ANO10: variants seen among roughly 807,000 people sequenced by gnomAD.
ANO10 encodes anoctamin 10.
In ANO10, 77 loss-of-function variants were observed where a neutral mutation model predicts 74.7. The ratio of observed to expected loss-of-function variants is 1.03; its 90% confidence interval spans 0.86 to 1.25. The LOEUF (loss-of-function observed/expected upper bound fraction) is 1.25. Ranked by LOEUF, ANO10 falls within the 50% of genes most tolerant of loss-of-function variation. ANO10 has a pLI of 0.00. For synonymous variants in ANO10, 279 were observed against 284.9 expected (o/e 0.98, Z 0.21); for missense variants, 721 against 778.1 (o/e 0.93, Z 0.87).
At chr3:43,638,725 C>T (rs1034367042) in intron 1 of ANO10, 2 of 152,252 alleles carry the variant, frequency 1.3e-5, no homozygotes, top group African/African-American at 4.8e-5. Flanking sequence ...AGTTGCACCA[C>T]AGCGCCATCA....
At chr3:43,463,320 A>G (rs772899226) in intron 11 of ANO10, among the ~76,000 whole-genome samples, 28 of 152,250 alleles carry the variant, frequency 1.8e-4, no homozygotes, top group Admixed American at 1.4e-3. Flanking sequence ...CGTTACCTGG[A>G]TGTGAGACAT....
intron 1 of ANO10, among the ~76,000 whole-genome samples, chr3:43,646,529 A>T (rs2083728210): frequency 6.6e-6 from 1 of 152,024 alleles, no homozygotes; most frequent in Non-Finnish European, 1.5e-5. Context: ...AGTAGTCTCT[A>T]CTTTTTGTTT....
rs183900968 is a variant in ANO10, at chr3:43,684,852, G to A, written c.-12+6665C>T. On this transcript the variant is annotated intron_variant, in intron 1 of 3. Transcript: ENST00000413397. ...AAGGACAAAAAACCAAACACCGCATGTTCTCACTCATAGGTGGGAATTTAA... is the reference window on the plus strand; with the variant it reads ...AAGGACAAAAAACCAAACACCGCATATTCTCACTCATAGGTGGGAATTTAA... Among the ~76,000 whole-genome samples the A allele has an allele frequency of 2.3e-3, 347 of 152,230 alleles. 2 individuals carry two copies. Among genetic ancestry groups the A allele is most frequent in the Non-Finnish European group, 3.1e-3 (210 of 68,036 alleles).
rs114259313 is a variant in ANO10, at chr3:43,515,763, C to T, written c.1797+33957G>A. On this transcript the variant is annotated intron_variant, in intron 11 of 12. Transcript: ENST00000292246. ...GAATCAATGGACACAATCGAGATAACTTCTTTGCTTCGTATTGCTAAGAAC... is the reference window on the plus strand; with the variant it reads ...GAATCAATGGACACAATCGAGATAATTTCTTTGCTTCGTATTGCTAAGAAC... 9.0e-3 allele frequency among the ~76,000 whole-genome samples: 1,367 copies of T among 152,256 alleles called. 16 individuals are homozygous for T. Among genetic ancestry groups the T allele is most frequent in the African/African-American group, 0.029 (1,188 of 41,540 alleles).
chr3:43,676,305 A>G (rs773139679), intron 1 of ANO10, among the ~76,000 whole-genome samples: 6 of 117,542 alleles, frequency 5.1e-5, no homozygotes, highest in Non-Finnish European at 1.0e-4. Context: ...CAAAAAAAAG[A>G]AAAAAAAAAT....
chr3:43,461,640 T>C (rs1026164580), intron 11 of ANO10, among the ~76,000 whole-genome samples: 5 of 152,224 alleles, frequency 3.3e-5, no homozygotes, highest in Non-Finnish European at 5.9e-5. Flanking sequence ...CTTTGCCTGC[T>C]GCCATTCATG....
intron 11 of ANO10, among the ~76,000 whole-genome samples, chr3:43,517,288 G>A (rs2077751434): frequency 6.6e-6 from 1 of 152,098 alleles, no homozygotes; most frequent in Non-Finnish European, 1.5e-5. Flanking sequence ...ATCCAGTTGT[G>A]TTTAGCTTAA....
rs540870453 is a variant in ANO10 at position 43,482,029 on chromosome 3, A to G, written c.1798-49302T>C. Among the ~76,000 whole-genome samples, 3 of 150,646 alleles carry G rather than the reference A, an allele frequency of 2.0e-5. No individual in the cohort carries two copies. The East Asian group carries it at 5.9e-4, about 30-fold the overall frequency. On this transcript the variant is annotated intron_variant, in intron 11 of 12. Transcript: ENST00000292246. The stretch of plus-strand genomic sequence containing the variant: ...CTGCAACCTTCGCCTCCTGGGTTTA[A>G]GTAATTCTCCTGCCTCAGCCTCCCG...
intron 12 of ANO10, among the ~76,000 whole-genome samples, chr3:43,396,529 G>A (rs568160133): frequency 4.6e-5 from 7 of 151,394 alleles, no homozygotes; most frequent in African/African-American, 1.2e-4. Context: ...TAGTAGAGAC[G>A]GGGTTTCACC....
intron 11 of ANO10, among the ~76,000 whole-genome samples, chr3:43,495,120 T>C (rs2076867761): frequency 2.0e-5 from 3 of 151,772 alleles, no homozygotes; most frequent in South Asian, 4.2e-4. Flanking sequence ...GTGATAAAAG[T>C]AGGACTTTAG....
chr3:43,478,690 GT>G (rs551888885), intron 11 of ANO10, among the ~76,000 whole-genome samples: 202 of 152,292 alleles, frequency 1.3e-3, no homozygotes, highest in Non-Finnish European at 2.3e-3. Flanking sequence ...CTCCTATGTA[GT>G]ATTCATATTT....
intron 3 of ANO10, 100 bp downstream of exon 3, chr3:43,600,284 T>C: frequency 7.6e-7 from 1 of 1,322,250 alleles, no homozygotes; most frequent in Non-Finnish European, 1.1e-6. Context: ...ATTTACTATT[T>C]GACCCTTTAC....
intron 11 of ANO10, among the ~76,000 whole-genome samples, chr3:43,470,596 T>TTTTTTTTTTTTATTTATTTA (rs1237061155): frequency 6.9e-6 from 1 of 143,906 alleles, no homozygotes; most frequent in African/African-American, 2.5e-5. Context: ...CTGGTAATTA[T>TTTTTTTTTTTTATTTATTTA]TTTATTTATT....
chr3:43,667,751 G>A (rs1163884031), intron 1 of ANO10, among the ~76,000 whole-genome samples: 1 of 152,134 alleles, frequency 6.6e-6, no homozygotes, highest in Non-Finnish European at 1.5e-5. Flanking sequence ...CTCTATCCAA[G>A]TTGCTGCAAA....
At chr3:43,462,829 C>T (rs1382228661) in intron 11 of ANO10, among the ~76,000 whole-genome samples, 3 of 152,174 alleles carry the variant, frequency 2.0e-5, no homozygotes, top group Non-Finnish European at 4.4e-5. Flanking sequence ...ACTTGGTGCC[C>T]TGTGTCCCAG....
At chr3:43,564,547 C>T (rs2080215008) in intron 8 of ANO10, among the ~76,000 whole-genome samples, 1 of 152,098 alleles carries the variant, frequency 6.6e-6, no homozygotes, top group South Asian at 2.1e-4. Flanking sequence ...TTGTTTACTG[C>T]TTTTCTCACT....
At chr3:43,614,735 T>C (rs79581167) in intron 1 of ANO10, among the ~76,000 whole-genome samples, 2,647 of 136,854 alleles carry the variant, frequency 0.019, 207 homozygotes, top group Admixed American at 0.15. Flanking sequence ...ATGCTATTTC[T>C]AAGAATTTAT....
At chr3:43,383,224 C>A (rs531565615) in intron 12 of ANO10, among the ~76,000 whole-genome samples, 3 of 152,050 alleles carry the variant, frequency 2.0e-5, no homozygotes, top group African/African-American at 4.8e-5. Context: ...GAGGCCAAGG[C>A]GGGCAGATCA....
intron 11 of ANO10, among the ~76,000 whole-genome samples, chr3:43,519,033 G>A (rs1338639041): frequency 6.6e-6 from 1 of 152,000 alleles, no homozygotes; most frequent in South Asian, 2.1e-4. Flanking sequence ...GCGGCTCAGG[G>A]GGCATCATGG....
Sources: gnomAD v4.1 joint callset for allele counts (sites outside exome capture counted in the v4.1 genomes callset) on GRCh38, gnomAD v4.1.1 for gene constraint, MANE v1.5 for transcripts, NCBI Gene and HGNC (gene_info 2026-07-23, HGNC 2026-07-21) for gene names.